Variants in DENND1A observed in about 807,000 individuals in gnomAD.
DENND1A encodes DENN domain containing 1A.
In DENND1A, 51 loss-of-function variants were observed where a neutral mutation model predicts 113.7. The observed-to-expected ratio is 0.45, with a 90% CI of 0.36 to 0.57. The LOEUF is 0.57. Ranked by LOEUF, DENND1A falls within the 20% of genes least tolerant of loss-of-function variation. The pLI is 0.00. For missense variants in DENND1A, 1,258 were observed against 1,395.9 expected (o/e 0.90, Z 1.57); for synonymous variants, 565 against 570.8 (o/e 0.99, Z 0.14).
At chr9:123,670,793 C>G (rs2063727551) in intron 7 of DENND1A, among the ~76,000 whole-genome samples, 1 of 152,158 alleles carries the variant, frequency 6.6e-6, no homozygotes, top group Non-Finnish European at 1.5e-5. Context: ...CTTAGCAAAA[C>G]CTACGAGGTA....
chr9:123,685,867 T>A (rs902382474), intron 5 of DENND1A, among the ~76,000 whole-genome samples: 1 of 152,148 alleles, frequency 6.6e-6, no homozygotes, highest in South Asian at 2.1e-4. Flanking sequence ...TGCAAGACTT[T>A]CCCCATTCAG....
At chr9:123,491,762 A>G (rs1285422393) in intron 13 of DENND1A, 1 of 152,256 alleles carries the variant, frequency 6.6e-6, no homozygotes, top group Non-Finnish European at 1.5e-5. Flanking sequence ...TTGAATGTCT[A>G]TCTACTAATC....
intron 8 of DENND1A, among the ~76,000 whole-genome samples, chr9:123,653,296 C>T (rs1049492143): frequency 3.3e-5 from 5 of 152,318 alleles, no homozygotes; most frequent in Non-Finnish European, 7.4e-5. Flanking sequence ...AACTACCTAT[C>T]AAGTGCCAGC....
intron 21 of DENND1A, 112 bp from the exon 22 acceptor site, chr9:123,387,970 T>C: frequency 1.8e-6 from 2 of 1,119,278 alleles, no homozygotes; most frequent in Non-Finnish European, 2.3e-6. Context: ...CCTGCCTCTG[T>C]GTGCCAGCCT....
chr9:123,711,276 C>G (rs1428891146), intron 5 of DENND1A, among the ~76,000 whole-genome samples: 1 of 151,098 alleles, frequency 6.6e-6, no homozygotes, highest in Non-Finnish European at 1.5e-5. Context: ...ACCAGCCTGG[C>G]CAACATGGTG....
rs577680920 is a variant in DENND1A at position 123,546,640 on chromosome 9, G to A, written c.993+10930C>T. Among the ~76,000 whole-genome samples, 86 of 152,238 alleles carry A rather than the reference G, an allele frequency of 5.6e-4. 2 individuals are homozygous for A. The South Asian group carries it at 0.017, about 30-fold the overall frequency. ...TCTGATGTATAGCATGGGGAAACAGGTATCAGTCATTCATTTGTTCATCCA... is the reference window on the plus strand; with the variant it reads ...TCTGATGTATAGCATGGGGAAACAGATATCAGTCATTCATTTGTTCATCCA... On this transcript the variant is annotated intron_variant, in intron 13 of 23. Transcript: ENST00000394215.
intron 3 of DENND1A, among the ~76,000 whole-genome samples, chr9:123,781,261 T>C (rs1831270123): frequency 6.6e-6 from 1 of 152,218 alleles, no homozygotes; most frequent in Non-Finnish European, 1.5e-5. Flanking sequence ...GATTTCTGTG[T>C]AGTCACAGTG....
intron 2 of DENND1A, among the ~76,000 whole-genome samples, chr9:123,830,873 G>GAAAAAAAAAAAAAAAAAA (rs71390447): frequency 4.8e-4 from 19 of 39,318 alleles, no homozygotes; most frequent in Non-Finnish European, 5.9e-4. Context: ...TCTCAAAAAT[G>GAAAAAAAAAAAAAAAAAA]AAAAAAAAAA....
intron 16 of DENND1A, among the ~76,000 whole-genome samples, chr9:123,453,184 A>G (rs2047862283): frequency 6.6e-6 from 1 of 152,194 alleles, no homozygotes; most frequent in African/African-American, 2.4e-5. Flanking sequence ...TCTGCCTTCC[A>G]AAACCTCCAG....
chr9:123,436,103 G>C (rs1252848829), intron 19 of DENND1A, among the ~76,000 whole-genome samples: 1 of 152,242 alleles, frequency 6.6e-6, no homozygotes, highest in Non-Finnish European at 1.5e-5. Flanking sequence ...GCTGTGGGAA[G>C]GAGGAGCTTC....
At chr9:123,889,178 CA>C (rs1390530468) in intron 1 of DENND1A, among the ~76,000 whole-genome samples, 1 of 152,120 alleles carries the variant, frequency 6.6e-6, no homozygotes, top group Non-Finnish European at 1.5e-5. Context: ...AACTAAACAT[CA>C]GGAGGCTTGG....
intron 2 of DENND1A, among the ~76,000 whole-genome samples, chr9:123,818,056 A>C (rs1262505836): frequency 6.6e-6 from 1 of 152,120 alleles, no homozygotes; most frequent in African/African-American, 2.4e-5. Flanking sequence ...TACTATAAGA[A>C]AATGCAAATA....
intron 2 of DENND1A, among the ~76,000 whole-genome samples, chr9:123,849,483 G>C (rs1843046633): frequency 6.6e-6 from 1 of 152,086 alleles, no homozygotes; most frequent in South Asian, 2.1e-4. Context: ...ATAATAAATA[G>C]TCTAAACCCA....
At chr9:123,911,518 C>T (rs370603466) in intron 1 of DENND1A, among the ~76,000 whole-genome samples, 10 of 152,210 alleles carry the variant, frequency 6.6e-5, no homozygotes, top group South Asian at 4.2e-4. Flanking sequence ...AATCGTACTA[C>T]GCAGCAATGA....
chr9:123,769,707 G>A (rs1410842302), intron 3 of DENND1A, 144 bp from the exon 4 acceptor site: 6 of 540,570 alleles, frequency 1.1e-5, no homozygotes, highest in Admixed American at 1.0e-4. Context: ...CATGGGAGGA[G>A]TACCAGGCAG....
chr9:123,696,074 T>C (rs909202089), intron 5 of DENND1A, among the ~76,000 whole-genome samples: 3 of 151,898 alleles, frequency 2.0e-5, no homozygotes, highest in African/African-American at 7.3e-5. Flanking sequence ...GTCTTACAAC[T>C]GTGAACTTCA....
chr9:123,523,302 G>A (rs953865208), intron 13 of DENND1A, among the ~76,000 whole-genome samples: 1 of 152,144 alleles, frequency 6.6e-6, no homozygotes, highest in African/African-American at 2.4e-5. Context: ...TCTGCTCAGC[G>A]CTCCACATTC....
chr9:123,734,594 G>A (rs917691184), intron 5 of DENND1A, among the ~76,000 whole-genome samples: 1 of 152,152 alleles, frequency 6.6e-6, no homozygotes, highest in Non-Finnish European at 1.5e-5. Flanking sequence ...ATGGACTTCA[G>A]AGTCAAACAG....
At chr9:123,391,175 C>T (rs116990077) in intron 21 of DENND1A, among the ~76,000 whole-genome samples, 2,756 of 152,330 alleles carry the variant, frequency 0.018, 30 homozygotes, top group Non-Finnish European at 0.029. Flanking sequence ...GAGCCACTTT[C>T]CTTCTCCAGT....
Sources: allele counts gnomAD v4.1 joint callset (sites outside exome capture counted in the v4.1 genomes callset), GRCh38; gene constraint gnomAD v4.1.1; transcripts MANE v1.5; gene names NCBI Gene and HGNC (gene_info 2026-07-23, HGNC 2026-07-21).